DEFB124: variants seen among roughly 807,000 people sequenced by gnomAD.
DEFB124 encodes the protein beta-defensin 124.
For synonymous variants in DEFB124, 38 were observed against 36.5 expected (o/e 1.04, Z -0.15); for missense variants, 78 against 83.1 (o/e 0.94, Z 0.24).
chr20:31,469,141 G>C (rs1980158295), intron 2 of DEFB124, among the ~76,000 whole-genome samples: 1 of 152,076 alleles, frequency 6.6e-6, no homozygotes, highest in South Asian at 2.1e-4. Context: ...AAAAACTCTG[G>C]GCCGGGCATG....
chr20:31,471,603 A>G (rs1185803741), intron 2 of DEFB124, among the ~76,000 whole-genome samples: 3 of 141,152 alleles, frequency 2.1e-5, no homozygotes, highest in Non-Finnish European at 4.6e-5. Context: ...CTCACTTCCC[A>G]GACGGGGTGG....
chr20:31,473,296 T>C (rs978556827), intron 1 of DEFB124, among the ~76,000 whole-genome samples: 3 of 152,156 alleles, frequency 2.0e-5, no homozygotes, highest in Non-Finnish European at 4.4e-5. Flanking sequence ...ACTAGACATC[T>C]TCCCCACCTA....
intron 2 of DEFB124, among the ~76,000 whole-genome samples, chr20:31,470,248 G>A (rs867646241): frequency 0.019 from 2,379 of 126,194 alleles, no homozygotes; most frequent in Middle Eastern, 0.031. Context: ...CTGGCCGGGC[G>A]GGGGGCTGAC....
intron 2 of DEFB124, among the ~76,000 whole-genome samples, chr20:31,466,158 A>G (rs1238053357): frequency 6.6e-6 from 1 of 152,184 alleles, no homozygotes; most frequent in African/African-American, 2.4e-5. Flanking sequence ...CTCCATCTCA[A>G]ATAAATAAAC....
intron 2 of DEFB124, among the ~76,000 whole-genome samples, chr20:31,471,453 G>T (rs1318489937): frequency 9.5e-6 from 1 of 105,232 alleles, no homozygotes; most frequent in African/African-American, 4.2e-5. Flanking sequence ...CTGGCCGGGC[G>T]GGGGACTGAC....
At chr20:31,471,579 G>A (rs1178914839) in intron 2 of DEFB124, among the ~76,000 whole-genome samples, 41 of 148,818 alleles carry the variant, frequency 2.8e-4, no homozygotes, top group Middle Eastern at 3.5e-3. Flanking sequence ...GGCGGCTGCC[G>A]GGCGGAGACG....
chr20:31,471,126 G>C, intron 2 of DEFB124, among the ~76,000 whole-genome samples: 1 of 128,512 alleles, frequency 7.8e-6, no homozygotes, highest in Non-Finnish European at 1.7e-5. Context: ...GCGGCTGGCC[G>C]GGCGGGGGGT....
At chr20:31,474,408 G>A (rs2122461555) in intron 1 of DEFB124, among the ~76,000 whole-genome samples, 1 of 152,372 alleles carries the variant, frequency 6.6e-6, no homozygotes, top group South Asian at 2.1e-4. Flanking sequence ...GAGCCAGTCT[G>A]TTCAGCTGCT....
chr20:31,470,494 G>C (rs1194973521), intron 2 of DEFB124, among the ~76,000 whole-genome samples: 6 of 134,764 alleles, frequency 4.5e-5, no homozygotes, highest in Non-Finnish European at 9.7e-5. Context: ...TCACTTCCCA[G>C]TAGGGGCGGC....
At chr20:31,474,236 G>A (rs1980412389) in intron 1 of DEFB124, among the ~76,000 whole-genome samples, 1 of 152,336 alleles carries the variant, frequency 6.6e-6, no homozygotes, top group South Asian at 2.1e-4. Context: ...CAATTGTGCT[G>A]CAGAGATGGA....
chr20:31,470,204 G>A (rs1381843108), intron 2 of DEFB124, among the ~76,000 whole-genome samples: 2 of 145,856 alleles, frequency 1.4e-5, no homozygotes, highest in African/African-American at 5.2e-5. Context: ...CGGGCGGGGG[G>A]CTGACCCCCC....
At chr20:31,472,413 C>T (rs1299344680) in intron 2 of DEFB124, among the ~76,000 whole-genome samples, 1 of 136,050 alleles carries the variant, frequency 7.4e-6, no homozygotes, top group East Asian at 2.3e-4. Flanking sequence ...GAGAGGGAGA[C>T]CGAGAGGGAG....
At chr20:31,467,671 T>C (rs1381137028) in intron 2 of DEFB124, among the ~76,000 whole-genome samples, 1 of 152,176 alleles carries the variant, frequency 6.6e-6, no homozygotes, top group Non-Finnish European at 1.5e-5. Context: ...AGGAATGAAC[T>C]TGCCCAAGCT....
chr20:31,471,092 C>A (rs1423595955), intron 2 of DEFB124, among the ~76,000 whole-genome samples: 3 of 129,954 alleles, frequency 2.3e-5, no homozygotes, highest in Non-Finnish European at 3.4e-5. Flanking sequence ...TGGGGCTGAC[C>A]CCCCCACCTC....
intron 2 of DEFB124, among the ~76,000 whole-genome samples, chr20:31,470,704 G>A (rs1600567977): frequency 1.4e-5 from 2 of 139,318 alleles, no homozygotes; most frequent in East Asian, 4.6e-4. Flanking sequence ...TGGGCGGGGG[G>A]CTGACTCCCC....
At chr20:31,473,454 G>A (rs183629966) in intron 1 of DEFB124, among the ~76,000 whole-genome samples, 1 of 152,058 alleles carries the variant, frequency 6.6e-6, no homozygotes, top group African/African-American at 2.4e-5. Context: ...CCCTTACAAG[G>A]CCAAGTGAAC....
At chr20:31,471,692 G>A (rs1218946112) in intron 2 of DEFB124, among the ~76,000 whole-genome samples, 3 of 149,038 alleles carry the variant, frequency 2.0e-5, no homozygotes, top group Admixed American at 1.3e-4. Context: ...CAGACGGGGC[G>A]GCTGGGCAGA....
At chr20:31,471,392 G>A (rs1420921230) in intron 2 of DEFB124, among the ~76,000 whole-genome samples, 2 of 116,384 alleles carry the variant, frequency 1.7e-5, no homozygotes, top group African/African-American at 3.5e-5. Context: ...CGGACGGGGC[G>A]GCTGGCCGGG....
At chr20:31,473,948 A>T (rs1442011499) in intron 1 of DEFB124, among the ~76,000 whole-genome samples, 1 of 152,204 alleles carries the variant, frequency 6.6e-6, no homozygotes, top group Non-Finnish European at 1.5e-5. Context: ...CAGGAATCTA[A>T]GTTGCATCAT....
Sources: allele counts gnomAD v4.1 joint callset (sites outside exome capture counted in the v4.1 genomes callset), GRCh38; gene constraint gnomAD v4.1.1; transcripts MANE v1.5; gene names NCBI Gene and HGNC (gene_info 2026-07-23, HGNC 2026-07-21).